Variants in C10orf90 observed in about 807,000 individuals in gnomAD.
The protein encoded by C10orf90 is (E2-independent) E3 ubiquitin-conjugating enzyme FATS.
C10orf90 carries 56 observed loss-of-function variants against 62.5 expected under a neutral mutation model. The observed-to-expected ratio is 0.90, with a 90% CI of 0.72 to 1.12. The LOEUF is 1.12. Among genes scored for constraint, C10orf90 ranks in the 50% most tolerant of loss-of-function variants. The probability of loss-of-function intolerance (pLI) is 0.00; values close to 1 mark genes in which losing one functional copy is unlikely to be tolerated. For missense variants in C10orf90, 970 were observed against 880.4 expected (o/e 1.10, Z -1.29); for synonymous variants, 386 against 340.4 (o/e 1.13, Z -1.47).
intron 2 of C10orf90, among the ~76,000 whole-genome samples, chr10:126,533,602 C>A (rs938543277): frequency 6.6e-6 from 1 of 152,122 alleles, no homozygotes; most frequent in Non-Finnish European, 1.5e-5. Context: ...CTCTTGGGGA[C>A]GGGAGCCCCC....
At chr10:126,621,528 A>G (rs1432738134) in intron 2 of C10orf90, among the ~76,000 whole-genome samples, 3 of 152,094 alleles carry the variant, frequency 2.0e-5, no homozygotes, top group African/African-American at 7.2e-5. Context: ...GAGTGGATGG[A>G]GTTGTGTTTG....
intron 4 of C10orf90, among the ~76,000 whole-genome samples, chr10:126,494,185 C>T (rs1861915129): frequency 6.6e-6 from 1 of 152,180 alleles, no homozygotes; most frequent in Non-Finnish European, 1.5e-5. Flanking sequence ...AACACCAGGG[C>T]CGTTCATCTG....
intron 7 of C10orf90, among the ~76,000 whole-genome samples, chr10:126,457,862 G>A (rs1440479149): frequency 1.3e-5 from 2 of 152,186 alleles, no homozygotes; most frequent in East Asian, 3.9e-4. Context: ...TATCCCCATT[G>A]AACCTTTATC....
chr10:126,600,743 C>CATGTGT (rs1278473282), intron 2 of C10orf90, among the ~76,000 whole-genome samples: 104 of 152,060 alleles, frequency 6.8e-4, no homozygotes, highest in African/African-American at 2.3e-3. Flanking sequence ...TGTGTGTGTG[C>CATGTGT]ATGTGTATGT....
intron 2 of C10orf90, among the ~76,000 whole-genome samples, chr10:126,578,390 C>T (rs1032258178): frequency 6.6e-6 from 1 of 152,114 alleles, no homozygotes; most frequent in African/African-American, 2.4e-5. Context: ...TGTTCTCAAC[C>T]ACATTAATCA....
At chr10:126,609,356 T>A (rs1411711774) in intron 2 of C10orf90, among the ~76,000 whole-genome samples, 1 of 152,136 alleles carries the variant, frequency 6.6e-6, no homozygotes, top group African/African-American at 2.4e-5. Context: ...TGAGCCGAGA[T>A]CGCGCCATTG....
intron 2 of C10orf90, among the ~76,000 whole-genome samples, chr10:126,518,011 C>T (rs1863533929): frequency 6.6e-6 from 1 of 151,648 alleles, no homozygotes; most frequent in Admixed American, 6.6e-5. Flanking sequence ...AGATGACATC[C>T]TTGCTTGGCT....
In C10orf90 at chr10:126,583,981, A is replaced by G. The variant is rs543226628; in HGVS notation, c.313+62584T>C. 1.1e-4 allele frequency among the ~76,000 whole-genome samples: 17 copies of G among 152,184 alleles called. No individual in the cohort carries two copies. In the South Asian group the frequency reaches 3.5e-3, roughly 32 times the overall value. ...AAAAAATACAAAAAATTAGCAGGGC[A>G]TGGTGACTCATGCCTGTAGTCCCAG... On this transcript the variant is annotated intron_variant, in intron 2 of 9. Transcript: ENST00000488181.
intron 2 of C10orf90, among the ~76,000 whole-genome samples, chr10:126,607,455 T>A (rs186737499): frequency 2.6e-5 from 4 of 152,350 alleles, no homozygotes; most frequent in African/African-American, 9.6e-5. Flanking sequence ...CAGACATTTT[T>A]TCATGATGAA....
rs369255518 is a variant in C10orf90, at chr10:126,623,981, C to T, written c.313+22584G>A. On this transcript the variant is annotated intron_variant, in intron 2 of 9. Coordinates refer to ENST00000488181, the MANE Select transcript of C10orf90 (RefSeq NM_001350921.2). ...TTTGTGGAATGAATGACTCCACCATCGCATTTTGGGGTCAACCCTGGTAAT... is the reference window on the plus strand; with the variant it reads ...TTTGTGGAATGAATGACTCCACCATTGCATTTTGGGGTCAACCCTGGTAAT... Among the ~76,000 whole-genome samples, 23 of 152,256 alleles carry T rather than the reference C, an allele frequency of 1.5e-4. No homozygotes were observed. The South Asian group carries it at 2.1e-3, about 14-fold the overall frequency.
At chr10:126,599,605 C>T (rs1845157090) in intron 2 of C10orf90, among the ~76,000 whole-genome samples, 1 of 151,944 alleles carries the variant, frequency 6.6e-6, no homozygotes, top group Non-Finnish European at 1.5e-5. Flanking sequence ...GGGCTGATCG[C>T]CACCCTCTGG....
chr10:126,657,097 A>T (rs1334331215), intron 1 of C10orf90, among the ~76,000 whole-genome samples: 1 of 152,166 alleles, frequency 6.6e-6, no homozygotes, highest in East Asian at 1.9e-4. Context: ...AGGGGCCAGT[A>T]CTCAGAAGTG....
intron 2 of C10orf90, among the ~76,000 whole-genome samples, chr10:126,539,961 A>G (rs1864335624): frequency 6.6e-6 from 1 of 152,238 alleles, no homozygotes; most frequent in Non-Finnish European, 1.5e-5. Context: ...ATAATTATCT[A>G]CCTGTAAATC....
intron 4 of C10orf90, among the ~76,000 whole-genome samples, chr10:126,482,131 T>C (rs1861197458): frequency 6.6e-6 from 1 of 152,260 alleles, no homozygotes; most frequent in Non-Finnish European, 1.5e-5. Flanking sequence ...CATGAAGCTT[T>C]GGATCTTCAT....
At chr10:126,623,449 G>A (rs569655499) in intron 2 of C10orf90, among the ~76,000 whole-genome samples, 19 of 152,122 alleles carry the variant, frequency 1.2e-4, no homozygotes, top group African/African-American at 4.1e-4. Flanking sequence ...AGTACACCCC[G>A]TTCCTTTCTA....
chr10:126,453,274 GA>G lies in C10orf90; in HGVS notation c.2188+5765del. Among the ~76,000 whole-genome samples, 2 of 152,298 alleles carry G rather than the reference GA, an allele frequency of 1.3e-5. No individual in the cohort carries two copies. The highest frequency in any genetic ancestry group is 6.8e-3 in the Middle Eastern group (2 of 294). The stretch of plus-strand genomic sequence containing the variant: ...TAGATGCAGCAGGGCCTCTCGCAGT[GA>G]TTTGGTGTGGAGTATGCCCACCAGC... On this transcript the variant is annotated intron_variant, in intron 7 of 9. Coordinates refer to ENST00000488181, the MANE Select transcript of C10orf90 (RefSeq NM_001350921.2). This position sits in a 1 kb window ranked among gnomAD's most constrained non-coding sequence, Gnocchi z 4.9.
intron 2 of C10orf90, among the ~76,000 whole-genome samples, chr10:126,560,681 G>A (rs946626879): frequency 5.9e-5 from 9 of 152,122 alleles, no homozygotes; most frequent in African/African-American, 1.2e-4. Flanking sequence ...GTCAGCAAAC[G>A]TCTTCTGAAA....
intron 4 of C10orf90, among the ~76,000 whole-genome samples, chr10:126,501,487 G>A (rs1379491383): frequency 6.6e-6 from 1 of 152,182 alleles, no homozygotes. Context: ...CTTTGCAACT[G>A]AGGGGTCCAG....
At chr10:126,499,997 C>T (rs1015847230) in intron 4 of C10orf90, among the ~76,000 whole-genome samples, 1 of 152,152 alleles carries the variant, frequency 6.6e-6, no homozygotes, top group Non-Finnish European at 1.5e-5. Flanking sequence ...GAGGTGGGAA[C>T]CATTTGGATC....
Sources: allele counts gnomAD v4.1 joint callset (sites outside exome capture counted in the v4.1 genomes callset), GRCh38; gene constraint gnomAD v4.1.1; non-coding constraint Gnocchi (gnomAD v3.1); transcripts MANE v1.5; gene names NCBI Gene and HGNC (gene_info 2026-07-23, HGNC 2026-07-21).